Variants in HEATR5A observed in about 807,000 individuals in gnomAD.
HEATR5A encodes the protein HEAT repeat-containing protein 5A.
Under a neutral mutation model 218.8 loss-of-function variants are expected in HEATR5A, and 178 were observed. The ratio of observed to expected loss-of-function variants is 0.81; its 90% confidence interval spans 0.72 to 0.92. HEATR5A has a LOEUF of 0.92. Among genes scored for constraint, HEATR5A ranks in the 40% least tolerant of loss-of-function variants. The pLI is 0.00. For missense variants in HEATR5A, 2,420 were observed against 2,418.9 expected (o/e 1.00, Z -0.01); for synonymous variants, 864 against 871.6 (o/e 0.99, Z 0.15).
At chr14:31,340,568 T>A in intron 21 of HEATR5A, 1 of 733,990 alleles carries the variant, frequency 1.4e-6, no homozygotes, top group South Asian at 1.5e-5. Flanking sequence ...CATTAAAATA[T>A]AAATGTTGAT....
chr14:31,326,106 T>G (rs998777020), intron 23 of HEATR5A, 57 bp downstream of exon 23: 5 of 1,378,822 alleles, frequency 3.6e-6, no homozygotes. Context: ...TAAACAATTT[T>G]ATGTAAAGTT....
chr14:31,409,953 A>G (rs923913729), intron 1 of HEATR5A, among the ~76,000 whole-genome samples: 20 of 152,202 alleles, frequency 1.3e-4, no homozygotes, highest in African/African-American at 4.8e-4. Flanking sequence ...CTTCTTGGTC[A>G]TTTTAGTTCC....
chr14:31,403,160 C>T, intron 1 of HEATR5A, 111 bp from the exon 2 acceptor site: 1 of 537,718 alleles, frequency 1.9e-6, no homozygotes, highest in Non-Finnish European at 3.2e-6. Flanking sequence ...TTTATAAATG[C>T]TCTAGGGTGA....
chr14:31,310,828 CT>C (rs890361359), intron 28 of HEATR5A, among the ~76,000 whole-genome samples: 4 of 152,016 alleles, frequency 2.6e-5, no homozygotes, highest in Admixed American at 2.0e-4. Flanking sequence ...CTCCATATAT[CT>C]TTTTGTGTAT....
At chr14:31,400,818 A>T (rs569025830) in intron 2 of HEATR5A, among the ~76,000 whole-genome samples, 1 of 148,434 alleles carries the variant, frequency 6.7e-6, no homozygotes, top group Admixed American at 6.9e-5. Flanking sequence ...TGAAAGGCAG[A>T]GCAAATTTGT....
chr14:31,327,613 T>A lies in HEATR5A; in HGVS notation c.3368-1271A>T, dbSNP rs528245758. ...GCCCAGTATAATTATTTTCTAGTTT[T>A]AAAAAAACATAATTAAGTTTTCCTT... On this transcript the variant is annotated intron_variant, in intron 22 of 35. Coordinates refer to ENST00000543095, the MANE Select transcript of HEATR5A (RefSeq NM_015473.4). Among the ~76,000 whole-genome samples, 3 of 152,158 alleles carry A rather than the reference T, an allele frequency of 2.0e-5. No homozygotes were observed. In the East Asian group the frequency reaches 5.8e-4, roughly 29 times the overall value.
intron 22 of HEATR5A, among the ~76,000 whole-genome samples, chr14:31,329,621 A>G (rs1267806534): frequency 6.6e-6 from 1 of 152,158 alleles, no homozygotes; most frequent in Non-Finnish European, 1.5e-5. Context: ...TGCCCCACCT[A>G]CTTTCACAGC....
At chr14:31,315,745 C>A in intron 27 of HEATR5A, 25 bp downstream of exon 27, 1 of 1,517,420 alleles carries the variant, frequency 6.6e-7, no homozygotes, top group Non-Finnish European at 8.9e-7. Context: ...TCCAAAATTC[C>A]AGTTACAAAT....
intron 2 of HEATR5A, among the ~76,000 whole-genome samples, chr14:31,400,803 T>G (rs1432214234): frequency 1.3e-5 from 2 of 151,716 alleles, no homozygotes; most frequent in African/African-American, 4.8e-5. Flanking sequence ...CTTTCTTCTT[T>G]TGTTTGAAAG....
At chr14:31,411,862 C>A (rs970228893) in intron 1 of HEATR5A, among the ~76,000 whole-genome samples, 18 of 151,944 alleles carry the variant, frequency 1.2e-4, no homozygotes, top group Middle Eastern at 3.4e-3. Context: ...AAAATGATTT[C>A]TTTCTTTTTT....
intron 22 of HEATR5A, among the ~76,000 whole-genome samples, chr14:31,331,539 T>C (rs576054729): frequency 6.6e-6 from 1 of 152,174 alleles, no homozygotes; most frequent in African/African-American, 2.4e-5. Flanking sequence ...TTCCAACCAC[T>C]GCCTATTACC....
chr14:31,361,520 A>G (rs1162980698), intron 14 of HEATR5A, among the ~76,000 whole-genome samples: 1 of 152,174 alleles, frequency 6.6e-6, no homozygotes, highest in Non-Finnish European at 1.5e-5. Context: ...GCTTGTTCCT[A>G]TGGCTATGTG....
intron 1 of HEATR5A, among the ~76,000 whole-genome samples, chr14:31,405,260 C>T (rs995546510): frequency 6.6e-6 from 1 of 151,922 alleles, no homozygotes; most frequent in African/African-American, 2.4e-5. Flanking sequence ...ACGGCAAAAC[C>T]CCATCTCTAC....
chr14:31,373,189 T>G (rs1253538902), intron 12 of HEATR5A, among the ~76,000 whole-genome samples: 1 of 152,062 alleles, frequency 6.6e-6, no homozygotes, highest in Non-Finnish European at 1.5e-5. Flanking sequence ...CCAAAAATGC[T>G]GGGATTGGCC....
chr14:31,314,659 C>A (rs1899859937), intron 27 of HEATR5A, among the ~76,000 whole-genome samples: 1 of 152,100 alleles, frequency 6.6e-6, no homozygotes, highest in Non-Finnish European at 1.5e-5. Context: ...CCTTGGGCTC[C>A]TAAAGTGTTG....
intron 32 of HEATR5A, among the ~76,000 whole-genome samples, 169 bp downstream of exon 32, chr14:31,304,736 G>A (rs1280367216): frequency 6.6e-6 from 1 of 152,088 alleles, no homozygotes; most frequent in African/African-American, 2.4e-5. Flanking sequence ...TTTACTTTTA[G>A]TAAAACAATT....
chr14:31,411,592 G>A (rs1259640021), intron 1 of HEATR5A, among the ~76,000 whole-genome samples: 3 of 152,152 alleles, frequency 2.0e-5, no homozygotes, highest in Admixed American at 1.3e-4. Context: ...GAAATGCCTC[G>A]TTGTCAGTTT....
chr14:31,349,029 C>T (rs1295907782), intron 18 of HEATR5A, among the ~76,000 whole-genome samples: 2 of 152,034 alleles, frequency 1.3e-5, no homozygotes, highest in African/African-American at 4.8e-5. Context: ...AGCGCAGTAC[C>T]TCCTGGAATA....
rs186098312 is a variant in HEATR5A at position 31,323,690 on chromosome 14, G to A, written c.3662C>T (p.Pro1221Leu). Residue 1221 changes from proline to leucine, a missense_variant, in exon 24 of 36, where the codon CCC becomes CTC. By Grantham distance (98) the Pro-to-Leu change is moderately conservative (BLOSUM62 -3). Transcript: ENST00000543095. ...RDEKSHPFTN[P>L]RWATRVFAAE... ...AGCAAAGACTCTAGTAGCCCATCGG[G>A]GATTGGTAAAAGGATGGGATTTTTC... is the stretch of plus-strand genomic sequence containing the variant. 1.7e-3 allele frequency: 2,672 copies of A among 1,613,512 alleles called. 5 individuals are homozygous for A. The highest frequency in any genetic ancestry group is 2.9e-3 in the Admixed American group (171 of 59,938).
Sources: gnomAD v4.1 joint callset for allele counts (sites outside exome capture counted in the v4.1 genomes callset) on GRCh38, gnomAD v4.1.1 for gene constraint, MANE v1.5 for transcripts, NCBI Gene and HGNC (gene_info 2026-07-23, HGNC 2026-07-21) for gene names.